The following LRIG3 variants were observed in gnomAD, a reference collection of about 807,000 sequenced individuals.
LRIG3 encodes the protein leucine rich repeats and immunoglobulin like domains 3.
In LRIG3, 76 loss-of-function variants were observed where a neutral mutation model predicts 114.5. That is an observed-to-expected ratio of 0.66 (90% CI 0.55 to 0.80). LRIG3 has a LOEUF of 0.80. Ranked by LOEUF, LRIG3 falls within the 30% of genes least tolerant of loss-of-function variation. The pLI is 0.00. For synonymous variants in LRIG3, 512 were observed against 519.8 expected, an observed-to-expected ratio of 0.98 and a Z score of 0.20; for missense variants, 1,239 against 1,382.8, an observed-to-expected ratio of 0.90 and a Z score of 1.65.
intron 3 of LRIG3, among the ~76,000 whole-genome samples, chr12:58,901,904 C>T (rs1871865265): frequency 6.6e-6 from 1 of 152,190 alleles, no homozygotes; most frequent in African/African-American, 2.4e-5. Flanking sequence ...CAGACAACCA[C>T]CCTTCCAGGG....
intron 3 of LRIG3, among the ~76,000 whole-genome samples, chr12:58,902,192 G>T (rs191071384): frequency 1.1e-3 from 162 of 152,042 alleles, no homozygotes; most frequent in African/African-American, 3.6e-3. Context: ...GAAGAGTACT[G>T]TCCTCTATCC....
At chr12:58,910,175 A>G (rs1467148024) in intron 3 of LRIG3, among the ~76,000 whole-genome samples, 1 of 152,240 alleles carries the variant, frequency 6.6e-6, no homozygotes, top group Non-Finnish European at 1.5e-5. Flanking sequence ...GGCTTAGTTG[A>G]TTATGATATG....
intron 3 of LRIG3, among the ~76,000 whole-genome samples, chr12:58,898,243 C>T (rs1871714286): frequency 6.6e-6 from 1 of 152,200 alleles, no homozygotes. Context: ...ATTCCTGGTT[C>T]TGTGTCTTTA....
intron 3 of LRIG3, among the ~76,000 whole-genome samples, chr12:58,897,907 A>G (rs1196137582): frequency 6.6e-6 from 1 of 152,116 alleles, no homozygotes; most frequent in African/African-American, 2.4e-5. Flanking sequence ...AGTCTCCCCT[A>G]CTAGGCTTGT....
chr12:58,885,985 A>C, intron 9 of LRIG3, 83 bp from the exon 10 acceptor site: 1 of 735,576 alleles, frequency 1.4e-6, no homozygotes, highest in East Asian at 3.3e-5. Context: ...TGCTTTTTAA[A>C]TTATGTGTGA....
At chr12:58,902,476 A>G (rs943717553) in intron 3 of LRIG3, among the ~76,000 whole-genome samples, 2 of 152,166 alleles carry the variant, frequency 1.3e-5, no homozygotes, top group African/African-American at 4.8e-5. Flanking sequence ...TATCTGCTCA[A>G]TAAAGCTATA....
intron 3 of LRIG3, among the ~76,000 whole-genome samples, chr12:58,896,327 C>G (rs1047944448): frequency 1.3e-5 from 2 of 152,138 alleles, no homozygotes; most frequent in African/African-American, 4.8e-5. Context: ...ATAAGTGTCT[C>G]AAAAGAACCT....
At chr12:58,883,092 C>T (rs1379808190) in intron 11 of LRIG3, 60 bp from the exon 12 acceptor site, 1 of 1,501,994 alleles carries the variant, frequency 6.7e-7, no homozygotes. Context: ...TACAAGTAAA[C>T]TAAACCCAAG....
Position 58,914,284 on chromosome 12 carries a change from G to C in LRIG3, c.289C>G (p.Leu97Val), listed in dbSNP as rs1412980064. The C allele has an allele frequency of 3.7e-6, 6 of 1,613,882 alleles. No homozygotes were observed. The highest frequency in any genetic ancestry group is 1.6e-4 in the Middle Eastern group (1 of 6,080). The change falls in exon 2 of 19, where the codon CTT becomes GTT. Residue 97 changes from leucine to valine, a missense_variant. By Grantham distance (32) the Leu-to-Val change is conservative (BLOSUM62 1). Coordinates refer to ENST00000320743, the MANE Select transcript of LRIG3 (RefSeq NM_153377.5). ...ACTCACACTTCTCGAAGGCTTTGAAGGTGGCTCATGGAACTTGCCTTGATG... is the reference window on the plus strand; with the variant it reads ...ACTCACACTTCTCGAAGGCTTTGAACGTGGCTCATGGAACTTGCCTTGATG... Reference protein sequence around the residue: ...SFIKASSMSHLQSLREVKLNN... With the variant: ...SFIKASSMSHVQSLREVKLNN...
Position 58,872,641 on chromosome 12 carries a change from A to C in LRIG3, c.3291T>G (p.Ile1097Met), listed in dbSNP as rs760566806. 47 of 1,614,114 alleles carry C rather than the reference A, an allele frequency of 2.9e-5. No homozygotes were observed. The highest frequency in any genetic ancestry group is 3.9e-5 in the Non-Finnish European group (46 of 1,179,992). ...TTTCTAAAGTCTGTTTAAAGGTACA[A>C]ATGTGATTTTCTTCCTGAAAATCTG... ...ERTDFQEENH[I>M]CTFKQTLENY... Residue 1097 changes from isoleucine (I) to methionine (M), a missense_variant, in exon 19 of 19, where the codon ATT (isoleucine) becomes ATG (methionine). By Grantham distance (10) the Ile-to-Met change is conservative. Coordinates refer to ENST00000320743, the MANE Select transcript of LRIG3 (RefSeq NM_153377.5).
intron 3 of LRIG3, among the ~76,000 whole-genome samples, chr12:58,895,705 CTA>C (rs1425817665): frequency 1.3e-5 from 2 of 152,148 alleles, no homozygotes; most frequent in Admixed American, 1.3e-4. Flanking sequence ...TTTAGAATGG[CTA>C]CTCTGATGGC....
At chr12:58,905,538 G>C (rs1872030341) in intron 3 of LRIG3, among the ~76,000 whole-genome samples, 1 of 152,184 alleles carries the variant, frequency 6.6e-6, no homozygotes, top group African/African-American at 2.4e-5. Context: ...CCCTGCTGTG[G>C]TTTTAACATG....
At chr12:58,898,319 C>T (rs552685655) in intron 3 of LRIG3, among the ~76,000 whole-genome samples, 1 of 152,312 alleles carries the variant, frequency 6.6e-6, no homozygotes, top group African/African-American at 2.4e-5. Flanking sequence ...ATGAAATGAT[C>T]TCTTCCAGCT....
At position 58,880,734 on chromosome 12, in the gene LRIG3, C is replaced by G. The variant is rs1871100225; in HGVS notation, c.1648G>C (p.Ala550Pro). 9.3e-6 allele frequency: 15 copies of G among 1,614,090 alleles called. No homozygotes were observed. Among genetic ancestry groups the G allele is most frequent in the Non-Finnish European group, 1.2e-5 (14 of 1,180,048 alleles). ...TCGCCACCTTGGGCCCGGAGGTGTG[C>G]ATAATTTTCCATTTCAGCATCATGC... ...LLHDAEMENY[A>P]HLRAQGGEVM... The change falls in exon 13 of 19, where the codon GCA becomes CCA. Residue 550 changes from alanine (A) to proline (P), a missense_variant. Coordinates refer to ENST00000320743, the MANE Select transcript of LRIG3 (RefSeq NM_153377.5).
chr12:58,884,076 T>C (rs1195243265), intron 10 of LRIG3, among the ~76,000 whole-genome samples: 2 of 152,244 alleles, frequency 1.3e-5, no homozygotes, highest in Non-Finnish European at 2.9e-5. Flanking sequence ...TATTACTACT[T>C]AGCTCAGCAC....
At position 58,890,114 on chromosome 12, in the gene LRIG3, A is replaced by T; in HGVS notation, c.541T>A (p.Ser181Thr). The change falls in exon 5 of 19, where the codon TCA (serine) becomes ACA (threonine). Residue 181 changes from serine to threonine, a missense_variant. Transcript: ENST00000320743. ...YLYLNSNRVT[S>T]MEPGYFDNLA... ...TTGTCAAAATACCCAGGTTCCATTG[A>T]TGTGACTCGGTTGCTGTTGAGATAC... 3.7e-6 allele frequency: 6 copies of T among 1,613,754 alleles called. No homozygotes were observed. Among genetic ancestry groups the T allele is most frequent in the Non-Finnish European group, 5.1e-6 (6 of 1,179,732 alleles).
intron 3 of LRIG3, among the ~76,000 whole-genome samples, chr12:58,895,695 T>G (rs2120931086): frequency 1.3e-5 from 2 of 152,214 alleles, no homozygotes; most frequent in Middle Eastern, 3.4e-3. Flanking sequence ...ACATGTACAT[T>G]TTAGAATGGC....
chr12:58,888,606 A>G (rs982134560), intron 6 of LRIG3, 134 bp from the exon 7 acceptor site: 2 of 1,306,606 alleles, frequency 1.5e-6, no homozygotes, highest in Non-Finnish European at 2.1e-6. Flanking sequence ...TGAAGACGTC[A>G]GCAAAAAAAT....
intron 12 of LRIG3, among the ~76,000 whole-genome samples, chr12:58,881,209 A>G (rs1323881760): frequency 6.6e-6 from 1 of 152,202 alleles, no homozygotes; most frequent in Non-Finnish European, 1.5e-5. Context: ...TTCTATAAGT[A>G]GAAGAAGAAA....
Sources: gnomAD v4.1 joint callset for allele counts (sites outside exome capture counted in the v4.1 genomes callset) on GRCh38, gnomAD v4.1.1 for gene constraint, MANE v1.5 for transcripts, NCBI Gene and HGNC (gene_info 2026-07-23, HGNC 2026-07-21) for gene names.